The following NFKB2 variants were observed in gnomAD, a reference collection of about 807,000 sequenced individuals.
NFKB2 encodes the protein nuclear factor kappa B subunit 2, also known as nuclear factor NF-kappa-B p100 subunit.
A neutral mutation model predicts 109.3 loss-of-function variants in NFKB2; 21 were observed. The observed-to-expected ratio is 0.19, with a 90% CI of 0.14 to 0.28. NFKB2 has a LOEUF of 0.28. Ranked by LOEUF, NFKB2 falls within the 10% of genes least tolerant of loss-of-function variation. The pLI is 1.00. For synonymous variants in NFKB2, 478 were observed against 489.9 expected, an observed-to-expected ratio of 0.98 and a Z score of 0.32; for missense variants, 806 against 1,185.3, an observed-to-expected ratio of 0.68 and a Z score of 4.70.
At position 102,397,379 on chromosome 10, in the gene NFKB2, G is replaced by A. The variant is rs1056064531; in HGVS notation, c.473G>A (p.Arg158Gln). The A allele has an allele frequency of 1.5e-5, 25 of 1,613,484 alleles. No individual in the cohort carries two copies. Among genetic ancestry groups the A allele is most frequent in the Non-Finnish European group, 2.0e-5 (24 of 1,179,780 alleles). ...ATGATACAAAAACTTCAGAGGCAGC[G>A]GCTCCGCTCTAGGCCCCAGGGCCTT... ...GTMIQKLQRQ[R>Q]LRSRPQGLTE... Residue 158 changes from arginine (R) to glutamine (Q), a missense_variant, in exon 7 of 23, where the codon CGG becomes CAG. By Grantham distance (43) the Arg-to-Gln change is conservative (BLOSUM62 1). Around this residue, in one of 10 missense-constraint regions of NFKB2, gnomAD observed 62 missense variants for 102.2 expected, o/e 0.61. Transcript: ENST00000661543. This position sits in a 1 kb window ranked among gnomAD's most constrained non-coding sequence, Gnocchi z 4.7.
chr10:102,401,769 C>A lies in NFKB2; in HGVS notation c.2318C>A (p.Thr773Lys). ...PAGPGLSLGD[T>K]ALQNLEQLLD... Reference sequence around the variant, plus strand: ...GGGCCGGGACTGTCACTTGGTGATACAGCTCTGCAGAACCTGGAGCAGCTG... The same window carrying A: ...GGGCCGGGACTGTCACTTGGTGATAAAGCTCTGCAGAACCTGGAGCAGCTG... The change falls in exon 21 of 23, where the codon ACA becomes AAA. Residue 773 changes from threonine to lysine, a missense_variant. Coordinates refer to ENST00000661543, the MANE Select transcript of NFKB2 (RefSeq NM_001322934.2). This position sits in a 1 kb window ranked among gnomAD's most constrained non-coding sequence, Gnocchi z 4.2. 6.2e-7 allele frequency: 1 copy of A among 1,608,036 alleles called. No homozygotes were observed. Among genetic ancestry groups the A allele is most frequent in the Non-Finnish European group, 8.5e-7 (1 of 1,176,918 alleles).
At position 102,402,366 on chromosome 10, in the gene NFKB2, A is replaced by G. The variant is rs2061282212; in HGVS notation, c.2693A>G (p.Gln898Arg). 1 of 1,545,390 alleles carries G rather than the reference A, an allele frequency of 6.5e-7. No individual in the cohort carries two copies. Among genetic ancestry groups the G allele is most frequent in the African/African-American group, 1.4e-5 (1 of 72,244 alleles). Residue 898 changes from glutamine (Q) to arginine (R), a missense_variant, in exon 23 of 23, where the codon CAG becomes CGG. By Grantham distance (43) the Gln-to-Arg change is conservative. Around this residue, in one of 10 missense-constraint regions of NFKB2, gnomAD observed 211 missense variants for 268.7 expected, o/e 0.79. Coordinates refer to ENST00000661543, the MANE Select transcript of NFKB2 (RefSeq NM_001322934.2). ...CTCTGCCACGGGCACCCCCAGCCTCAGGTGCACTGACCTGCTGCCTGCCCC... is the reference window on the plus strand; with the variant it reads ...CTCTGCCACGGGCACCCCCAGCCTCGGGTGCACTGACCTGCTGCCTGCCCC... ...GGLCHGHPQP[Q>R]VH
chr10:102,399,430 C>G lies in NFKB2; in HGVS notation c.1260C>G (p.Ala420=). Reference sequence around the variant, plus strand: ...CCAGCAGGGACTCCGGGGAGGAAGCCGCGGAGCCAAGCGCCCCCTCCAGGA... The same window carrying G: ...CCAGCAGGGACTCCGGGGAGGAAGCGGCGGAGCCAAGCGCCCCCTCCAGGA... ...TVPSRDSGEE[A]AEPSAPSRTP... Residue 420 remains alanine (A), a synonymous_variant, in exon 13 of 23, where the codon GCC becomes GCG. Transcript: ENST00000661543. 1 of 1,520,104 alleles carries G rather than the reference C, an allele frequency of 6.6e-7. No individual in the cohort carries two copies. Among genetic ancestry groups the G allele is most frequent in the Non-Finnish European group, 8.8e-7 (1 of 1,131,680 alleles). The allele number at this position is 1,520,104 out of a possible 1,614,324, so 94.2% of individuals were successfully genotyped here. A position where few individuals can be genotyped will look rare whatever the true frequency, so the allele number is the denominator to read the frequency against.
chr10:102,400,923 A>T lies in NFKB2; in HGVS notation c.1969-24A>T. 1 of 1,603,780 alleles carries T rather than the reference A, an allele frequency of 6.2e-7. No homozygotes were observed. The highest frequency in any genetic ancestry group is 8.5e-7 in the Non-Finnish European group (1 of 1,174,798). On this transcript the variant is annotated intron_variant, in intron 17 of 22. Coordinates refer to ENST00000661543, the MANE Select transcript of NFKB2 (RefSeq NM_001322934.2). The surrounding 1 kb of genome is among the most constrained non-coding windows in gnomAD (Gnocchi z 6.3). ...GCCAAGGGGACCATGCTGTGGTGTC[A>T]ACTCTCGCTGCTCGCACCCCCAGCT...
In NFKB2 at chr10:102,398,171, T is replaced by C; in HGVS notation, c.767-41T>C. 6.2e-7 allele frequency: 1 copy of C among 1,613,052 alleles called. No individual in the cohort carries two copies. ...GCTCTAGGGTAAATGGCCCCAGAGA[T>C]TCCACCGGGAGCTGTGGCCAAGCTT... is the stretch of plus-strand genomic sequence containing the variant. On this transcript the variant is annotated intron_variant, in intron 9 of 22. Transcript: ENST00000661543. The surrounding 1 kb of genome is among the most constrained non-coding windows in gnomAD (Gnocchi z 6.6).
intron 12 of NFKB2, 73 bp from the exon 13 acceptor site, chr10:102,399,215 C>CAAA (rs11331332): frequency 2.7e-4 from 331 of 1,224,186 alleles, no homozygotes; most frequent in Middle Eastern, 8.3e-4. Flanking sequence ...AACTCCGTCT[C>CAAA]AAAAAAAAAA....
At chr10:102,399,245 C>A in intron 12 of NFKB2, 43 bp from the exon 13 acceptor site, 1 of 1,485,154 alleles carries the variant, frequency 6.7e-7, no homozygotes, top group Non-Finnish European at 9.1e-7. Context: ...CTGGGAGAGT[C>A]ATGGCTGGTG....
In NFKB2 at chr10:102,400,753, G is replaced by C; in HGVS notation, c.1897G>C (p.Gly633Arg). ...GAEVEATERQ[G>R]GRTALHLATE... ...TGAAGTGGAGGCCACAGAGCGGCAG[G>C]GGGGACGAACAGCCTTGCATCTAGC... is the stretch of plus-strand genomic sequence containing the variant. Residue 633 changes from glycine (G) to arginine (R), a missense_variant, in exon 17 of 23, where the codon GGG becomes CGG. Gly to Arg is a moderately radical substitution (Grantham distance 125). Coordinates refer to ENST00000661543, the MANE Select transcript of NFKB2 (RefSeq NM_001322934.2). The surrounding 1 kb of genome is among the most constrained non-coding windows in gnomAD (Gnocchi z 6.3). The C allele has an allele frequency of 1.2e-6, 2 of 1,612,984 alleles. No homozygotes were observed. The highest frequency in any genetic ancestry group is 8.5e-7 in the Non-Finnish European group (1 of 1,179,482).
upstream of NFKB2, chr10:102,394,511 G>C (rs1029640339): frequency 6.6e-6 from 1 of 152,660 alleles, no homozygotes; most frequent in Non-Finnish European, 1.5e-5. Context: ...GGGCTTTCCC[G>C]GCCCTGAGCC....
Position 102,400,317 on chromosome 10 carries a change from G to A in NFKB2, c.1624G>A (p.Val542Met). ...GGCGGTGATCACGGGGCAGACGAGT[G>A]TGGTGAGCTTTCTGCTGCGGGTAGG... ...HLAVITGQTS[V>M]VSFLLRVGAD... The change falls in exon 16 of 23, where the codon GTG becomes ATG. Residue 542 changes from valine (V) to methionine (M), a missense_variant. Transcript: ENST00000661543. This position sits in a 1 kb window ranked among gnomAD's most constrained non-coding sequence, Gnocchi z 6.3. 6.2e-7 allele frequency: 1 copy of A among 1,614,016 alleles called. No homozygotes were observed. The highest frequency in any genetic ancestry group is 8.5e-7 in the Non-Finnish European group (1 of 1,180,008).
rs866364850 is a variant in NFKB2, at chr10:102,402,278, G to A, written c.2605G>A (p.Gly869Arg). 5 of 1,557,946 alleles carry A rather than the reference G, an allele frequency of 3.2e-6. No individual in the cohort carries two copies. Among genetic ancestry groups the A allele is most frequent in the Non-Finnish European group, 2.6e-6 (3 of 1,150,584 alleles). Residue 869 changes from glycine to arginine, a missense_variant, in exon 23 of 23, where the codon GGG (glycine) becomes AGG (arginine). Physicochemically the swap from Gly to Arg is moderately radical, Grantham distance 125. Around this residue, in one of 10 missense-constraint regions of NFKB2, gnomAD observed 211 missense variants for 268.7 expected, o/e 0.79. Transcript: ENST00000661543. The part of the protein sequence containing the change: ...TAEVKEDSAY[G>R]SQSVEQEAEK... ...AGAGGTGAAGGAAGACAGTGCGTAC[G>A]GGAGCCAGTCAGTGGAGCAGGAGGC...
rs745979504 is a variant in NFKB2, at chr10:102,401,708, G to C, written c.2294-37G>C. On this transcript the variant is annotated intron_variant, in intron 20 of 22. Transcript: ENST00000661543. This position sits in a 1 kb window ranked among gnomAD's most constrained non-coding sequence, Gnocchi z 4.2. ...GTGTCCATGTCCCCACCCAACTCTG[G>C]AGGTAAATGACATGTCTGTATGTGT... 1 of 1,566,822 alleles carries C rather than the reference G, an allele frequency of 6.4e-7. No homozygotes were observed. Among genetic ancestry groups the C allele is most frequent in the Non-Finnish European group, 8.7e-7 (1 of 1,154,224 alleles).
Position 102,397,893 on chromosome 10 carries a change from G to A in NFKB2, c.662-88G>A. The A allele has an allele frequency of 1.4e-6, 2 of 1,399,642 alleles. No individual in the cohort carries two copies. Among genetic ancestry groups the A allele is most frequent in the East Asian group, 4.6e-5 (2 of 43,642 alleles). The allele number at this position is 1,399,642 out of a possible 1,614,324, so 86.7% of individuals were successfully genotyped here. A position where few individuals can be genotyped will look rare whatever the true frequency, so the allele number is the denominator to read the frequency against. ...GGTGTTTCCTGCAGCTCCAGGGGTT[G>A]CTGAGATAAGGAATACAAAGCCCCC... On this transcript the variant is annotated intron_variant, in intron 8 of 22. Transcript: ENST00000661543. The surrounding 1 kb of genome is among the most constrained non-coding windows in gnomAD (Gnocchi z 4.7).
Position 102,401,980 on chromosome 10 carries a change from C to G in NFKB2, c.2466+63C>G. 3 of 1,589,294 alleles carry G rather than the reference C, an allele frequency of 1.9e-6. No individual in the cohort carries two copies. Among genetic ancestry groups the G allele is most frequent in the Non-Finnish European group, 2.6e-6 (3 of 1,166,070 alleles). On this transcript the variant is annotated intron_variant, in intron 21 of 22. Coordinates refer to ENST00000661543, the MANE Select transcript of NFKB2 (RefSeq NM_001322934.2). The surrounding 1 kb of genome is among the most constrained non-coding windows in gnomAD (Gnocchi z 4.2). ...TTTCCCGATCTGAGTCCAGGTGCCT[C>G]CTTGGCCCCAGGGCTCCCGAGCACA...
Position 102,398,746 on chromosome 10 carries a change from A to C in NFKB2, c.999A>C (p.Glu333Asp). 6.2e-7 allele frequency: 1 copy of C among 1,612,400 alleles called. No individual in the cohort carries two copies. The highest frequency in any genetic ancestry group is 8.5e-7 in the Non-Finnish European group (1 of 1,180,014). Residue 333 changes from glutamate to aspartate, a missense_variant, in exon 12 of 23, where the codon GAA becomes GAC. Glu to Asp is a conservative substitution (Grantham distance 45). Transcript: ENST00000661543. This position sits in a 1 kb window ranked among gnomAD's most constrained non-coding sequence, Gnocchi z 6.6. ...ATTTTCCTCTGCCCCCAGACAAGGAAGAGGTGCAGCGGAAGCGGAGGAAGG... is the reference window on the plus strand; with the variant it reads ...ATTTTCCTCTGCCCCCAGACAAGGACGAGGTGCAGCGGAAGCGGAGGAAGG... ...FTYYPLVEDK[E>D]EVQRKRRKAL...
In NFKB2 at chr10:102,402,422, TCCCCACCTATTTCAAATCTTATTTAACA is replaced by T; in HGVS notation, c.*53_*80del. 1.8e-6 allele frequency: 2 copies of T among 1,119,662 alleles called. No homozygotes were observed. The highest frequency in any genetic ancestry group is 2.6e-6 in the Non-Finnish European group (2 of 781,146). The allele number at this position is 1,119,662 out of a possible 1,614,324, so 69.4% of individuals were successfully genotyped here. ...CCCTTCCCGGACCCCCTGTACAGCG[TCCCCACCTATTTCAAATCTTATTTAACA>T]CCCCACACCCACCCCTCAGTTGGGA... is the stretch of plus-strand genomic sequence containing the variant. On this transcript the variant is annotated 3_prime_UTR_variant, in exon 23 of 23. Transcript: ENST00000661543.
rs1249968385 is a variant in NFKB2, at chr10:102,396,045, G to A, written c.21+65G>A. 9 of 1,602,692 alleles carry A rather than the reference G, an allele frequency of 5.6e-6. No homozygotes were observed. The highest frequency in any genetic ancestry group is 2.2e-5 in the East Asian group (1 of 44,852). On this transcript the variant is annotated intron_variant, in intron 2 of 22. Coordinates refer to ENST00000661543, the MANE Select transcript of NFKB2 (RefSeq NM_001322934.2). The surrounding 1 kb of genome is among the most constrained non-coding windows in gnomAD (Gnocchi z 5.9). ...CTCGTGTCTGTCCACCTGTCTGCCC[G>A]AGCCCCCTCTGCTGCCTTACACCTG...
Position 102,397,274 on chromosome 10 carries a change from C to T in NFKB2, c.396-28C>T. 1 of 1,607,182 alleles carries T rather than the reference C, an allele frequency of 6.2e-7. No homozygotes were observed. The highest frequency in any genetic ancestry group is 8.5e-7 in the Non-Finnish European group (1 of 1,173,932). On this transcript the variant is annotated intron_variant, in intron 6 of 22. Transcript: ENST00000661543. This position sits in a 1 kb window ranked among gnomAD's most constrained non-coding sequence, Gnocchi z 4.7. ...GCCTCAGGAAGAAAGAACTGCATGG[C>T]CAAAGGCCTCCGATTCTCTCTTCTC...
chr10:102,397,828 TC>T lies in NFKB2; in HGVS notation c.662-146del, dbSNP rs908902137. 3.9e-6 allele frequency: 5 copies of T among 1,277,076 alleles called. No individual in the cohort carries two copies. The highest frequency in any genetic ancestry group is 4.4e-6 in the Non-Finnish European group (4 of 907,820). The allele number at this position is 1,277,076 out of a possible 1,614,324, so 79.1% of individuals were successfully genotyped here. A position where few individuals can be genotyped will look rare whatever the true frequency, so the allele number is the denominator to read the frequency against. On this transcript the variant is annotated intron_variant, in intron 8 of 22. Coordinates refer to ENST00000661543, the MANE Select transcript of NFKB2 (RefSeq NM_001322934.2). The surrounding 1 kb of genome is among the most constrained non-coding windows in gnomAD (Gnocchi z 4.7). The stretch of plus-strand genomic sequence containing the variant: ...GCTGAGTGATCCTGAGCAAGTCATT[TC>T]CCCCCCGAAGCTTCTGTCTTTAGTA...
Sources: allele counts gnomAD v4.1 joint callset, GRCh38; gene constraint gnomAD v4.1.1; regional missense constraint gnomAD v4.1.1; non-coding constraint Gnocchi (gnomAD v3.1); transcripts MANE v1.5; gene names NCBI Gene and HGNC (gene_info 2026-07-23, HGNC 2026-07-21).